PIGK: variants seen among roughly 807,000 people sequenced by gnomAD.
The protein encoded by PIGK is GPI-anchor transamidase.
In PIGK, 42 loss-of-function variants were observed where a neutral mutation model predicts 50.6. That is an observed-to-expected ratio of 0.83 (90% CI 0.65 to 1.07). The LOEUF is 1.07. PIGK is among the 50% of genes least tolerant of loss of function. PIGK has a pLI of 0.00. For synonymous variants in PIGK, 151 were observed against 156.0 expected, an observed-to-expected ratio of 0.97 and a Z score of 0.24; for missense variants, 448 against 488.7, an observed-to-expected ratio of 0.92 and a Z score of 0.78.
intron 9 of PIGK, among the ~76,000 whole-genome samples, chr1:77,131,879 G>C (rs1654378298): frequency 6.6e-6 from 1 of 151,940 alleles, no homozygotes; most frequent in South Asian, 2.1e-4. Flanking sequence ...TTTGGTTTCA[G>C]AATTATATTC....
chr1:77,138,657 T>C (rs1250802054), intron 9 of PIGK, among the ~76,000 whole-genome samples: 1 of 152,188 alleles, frequency 6.6e-6, no homozygotes, highest in Admixed American at 6.5e-5. Flanking sequence ...TGTGGTAGCT[T>C]GTTATACAGC....
chr1:77,201,497 A>G (rs2100582881), intron 3 of PIGK, among the ~76,000 whole-genome samples: 1 of 152,314 alleles, frequency 6.6e-6, no homozygotes, highest in Admixed American at 6.5e-5. Context: ...CAATGGCTCA[A>G]GCCTGTAATC....
At chr1:77,192,171 G>A (rs942729351) in intron 3 of PIGK, among the ~76,000 whole-genome samples, 14 of 151,952 alleles carry the variant, frequency 9.2e-5, no homozygotes, top group African/African-American at 2.9e-4. Context: ...ACTAAATATA[G>A]GGACACAACA....
intron 3 of PIGK, among the ~76,000 whole-genome samples, chr1:77,192,984 A>G (rs2100577151): frequency 6.6e-6 from 1 of 152,256 alleles, no homozygotes; most frequent in African/African-American, 2.4e-5. Flanking sequence ...GATGGATACC[A>G]CTTTAAATAT....
chr1:77,137,574 TTTATC>T (rs1654548985), intron 9 of PIGK, among the ~76,000 whole-genome samples: 1 of 152,004 alleles, frequency 6.6e-6, no homozygotes, highest in African/African-American at 2.4e-5. Context: ...TTGTTTTTAT[TTTATC>T]TTATTTTCCT....
chr1:77,118,848 G>A (rs955960262), intron 10 of PIGK, among the ~76,000 whole-genome samples: 2 of 152,184 alleles, frequency 1.3e-5, no homozygotes, highest in African/African-American at 2.4e-5. Flanking sequence ...ACTGAAGGAT[G>A]CAAAGTATTG....
chr1:77,138,520 C>A (rs997594291), intron 9 of PIGK, among the ~76,000 whole-genome samples: 14 of 152,262 alleles, frequency 9.2e-5, no homozygotes, highest in Admixed American at 7.2e-4. Context: ...CAGATGAGAC[C>A]ACAGTATCAA....
At chr1:77,105,951 CTTTAAAGT>C (rs1271202315) in intron 10 of PIGK, among the ~76,000 whole-genome samples, 2 of 152,152 alleles carry the variant, frequency 1.3e-5, no homozygotes, top group Non-Finnish European at 2.9e-5. Context: ...GGAAAGACAT[CTTTAAAGT>C]GCTGAAAGAA....
chr1:77,109,028 C>T (rs1458305372), intron 10 of PIGK, among the ~76,000 whole-genome samples: 2 of 152,010 alleles, frequency 1.3e-5, no homozygotes, highest in Admixed American at 1.3e-4. Flanking sequence ...ATAAATTCCT[C>T]AACACATACA....
At chr1:77,138,871 T>C (rs1285518288) in intron 9 of PIGK, among the ~76,000 whole-genome samples, 2 of 152,162 alleles carry the variant, frequency 1.3e-5, no homozygotes, top group Non-Finnish European at 2.9e-5. Flanking sequence ...TTTAAATTTC[T>C]TGGGCCAAGA....
rs149706053 is a variant in PIGK at position 77,124,617 on chromosome 1, C to CAA, written c.987-2260_987-2259dup. Among the ~76,000 whole-genome samples, 8 of 112,042 alleles carry CAA rather than the reference C, an allele frequency of 7.1e-5. No homozygotes were observed. The East Asian group carries it at 1.6e-3, about 22-fold the overall frequency. 73.5% of individuals were successfully genotyped at this position (112,042 alleles called of 152,430 possible). A position where few individuals can be genotyped will look rare whatever the true frequency, so the allele number is the denominator to read the frequency against. ...GAGCAAGAGTCTCAAAACAAACAAACAACAAAAAAAAAAACACACACACGC... is the reference window on the plus strand; with the variant it reads ...GAGCAAGAGTCTCAAAACAAACAAACAAAACAAAAAAAAAAACACACACACGC... On this transcript the variant is annotated intron_variant, in intron 9 of 10. Coordinates refer to ENST00000370812, the MANE Select transcript of PIGK (RefSeq NM_005482.3).
chr1:77,170,998 C>T (rs1655346358), intron 3 of PIGK, among the ~76,000 whole-genome samples: 1 of 152,192 alleles, frequency 6.6e-6, no homozygotes, highest in Non-Finnish European at 1.5e-5. Context: ...TTCATTTTCA[C>T]AGAATAGTGA....
intron 3 of PIGK, among the ~76,000 whole-genome samples, chr1:77,203,110 T>C (rs181913670): frequency 8.5e-5 from 13 of 152,210 alleles, no homozygotes; most frequent in Non-Finnish European, 1.6e-4. Context: ...ACGAAGAAAA[T>C]AGTAATAGCA....
In PIGK at chr1:77,163,939, T is replaced by A. The variant is rs968415152; in HGVS notation, c.491A>T (p.His164Leu). ...RSNILIYMTG[H>L]GGNGFLKFQD... ...AAATTTTAAGAAACCATTTCCACCA[T>A]GCCCTTGTATAAAGAGTAAAAAAGA... Residue 164 changes from histidine (H) to leucine (L), a missense_variant, in exon 6 of 11, where the codon CAT becomes CTT. By Grantham distance (99) the His-to-Leu change is moderately conservative. Transcript: ENST00000370812. The A allele has an allele frequency of 1.3e-6, 2 of 1,576,146 alleles. No individual in the cohort carries two copies. The highest frequency in any genetic ancestry group is 1.7e-6 in the Non-Finnish European group (2 of 1,147,880).
intron 3 of PIGK, among the ~76,000 whole-genome samples, chr1:77,172,641 G>T (rs1570240804): frequency 6.6e-6 from 1 of 152,080 alleles, no homozygotes; most frequent in Non-Finnish European, 1.5e-5. Flanking sequence ...ATTCGCAGGG[G>T]CCAGGGGTGG....
rs1319257541 is a variant in PIGK at position 77,091,464 on chromosome 1, T to G, written c.*910A>C. 6.6e-6 allele frequency: 1 copy of G among 152,222 alleles called. No homozygotes were observed. Among genetic ancestry groups the G allele is most frequent in the African/African-American group, 2.4e-5 (1 of 41,468 alleles). 9.4% of individuals were successfully genotyped at this position (152,222 alleles called of 1,614,324 possible). A position where few individuals can be genotyped will look rare whatever the true frequency, so the allele number is the denominator to read the frequency against. The stretch of plus-strand genomic sequence containing the variant: ...GATACAGCCAGTGGGCAAGGAGGTT[T>G]ACCTAAAACAGAATGAAATAAAGTC... On this transcript the variant is annotated 3_prime_UTR_variant, in exon 11 of 11. Transcript: ENST00000370812.
chr1:77,204,510 AC>A (rs1351696375), intron 3 of PIGK, among the ~76,000 whole-genome samples: 1 of 152,084 alleles, frequency 6.6e-6, no homozygotes, highest in Non-Finnish European at 1.5e-5. Flanking sequence ...GATCTCTGTG[AC>A]CCACACCCTA....
chr1:77,176,842 T>C (rs1655499845), intron 3 of PIGK, among the ~76,000 whole-genome samples: 1 of 151,968 alleles, frequency 6.6e-6, no homozygotes, highest in South Asian at 2.1e-4. Context: ...CCTTCCTGAG[T>C]CCTTAAAGTT....
At chr1:77,219,170 C>T in intron 1 of PIGK, 140 bp downstream of exon 1, 1 of 629,180 alleles carries the variant, frequency 1.6e-6, no homozygotes, top group Non-Finnish European at 2.9e-6. Flanking sequence ...AACCCGTGCC[C>T]AGTGATACCC....
Sources: allele counts gnomAD v4.1 joint callset (sites outside exome capture counted in the v4.1 genomes callset), GRCh38; gene constraint gnomAD v4.1.1; transcripts MANE v1.5; gene names NCBI Gene and HGNC (gene_info 2026-07-23, HGNC 2026-07-21).